The following RIMS2 variants were observed in gnomAD, a reference collection of about 807,000 sequenced individuals.
RIMS2 encodes the protein regulating synaptic membrane exocytosis protein 2.
RIMS2 carries 59 observed loss-of-function variants against 174.4 expected under a neutral mutation model. The observed-to-expected ratio is 0.34, with a 90% CI of 0.27 to 0.42. RIMS2 has a LOEUF of 0.42. RIMS2 is among the 10% of genes least tolerant of loss of function. RIMS2 has a pLI of 1.00. For missense variants in RIMS2, 1,620 were observed against 1,666.3 expected, an observed-to-expected ratio of 0.97 and a Z score of 0.48; for synonymous variants, 606 against 572.5, an observed-to-expected ratio of 1.06 and a Z score of -0.84.
At chr8:103,981,287 T>G (rs2093883637) in intron 16 of RIMS2, among the ~76,000 whole-genome samples, 1 of 151,508 alleles carries the variant, frequency 6.6e-6, no homozygotes, top group African/African-American at 2.4e-5. Flanking sequence ...AGAATAAGAG[T>G]CTCTGGTGAT....
At chr8:103,923,813 A>C (rs1177527573) in intron 10 of RIMS2, among the ~76,000 whole-genome samples, 2 of 151,758 alleles carry the variant, frequency 1.3e-5, no homozygotes, top group Non-Finnish European at 3.0e-5. Context: ...GAAAGTACAG[A>C]AAATTAATAA....
intron 1 of RIMS2, among the ~76,000 whole-genome samples, chr8:103,687,060 A>G (rs1056103659): frequency 5.3e-5 from 8 of 152,202 alleles, no homozygotes; most frequent in Non-Finnish European, 8.8e-5. Flanking sequence ...GCATTCACCA[A>G]TGAAACCATT....
chr8:103,873,482 C>T (rs2099121907), intron 3 of RIMS2, among the ~76,000 whole-genome samples: 2 of 151,982 alleles, frequency 1.3e-5, no homozygotes, highest in African/African-American at 2.4e-5. Context: ...GTGTCGTCTA[C>T]CTCTTTTTTC....
At chr8:103,582,131 G>T (rs2093654721) in intron 1 of RIMS2, among the ~76,000 whole-genome samples, 1 of 152,082 alleles carries the variant, frequency 6.6e-6, no homozygotes, top group African/African-American at 2.4e-5. Flanking sequence ...GAGTTGCGAG[G>T]TCCCTGTTCC....
intron 2 of RIMS2, among the ~76,000 whole-genome samples, chr8:103,716,740 C>T (rs1564390387): frequency 6.6e-6 from 1 of 152,004 alleles, no homozygotes; most frequent in East Asian, 1.9e-4. Flanking sequence ...AGTAATAACA[C>T]TGAATATGAA....
In RIMS2 at chr8:103,853,900, C is replaced by CT. The variant is rs1002662217; in HGVS notation, c.699-31389dup. On this transcript the variant is annotated intron_variant, in intron 3 of 23. Transcript: ENST00000504942. ...TGATTCTATATGAATTTTAGAACAG[C>CT]TTTTTTTTTCTAATTCTGTGAAGAA... Among the ~76,000 whole-genome samples the CT allele has an allele frequency of 1.7e-4, 25 of 151,068 alleles. No individual in the cohort carries two copies. In the South Asian group the frequency reaches 1.9e-3, roughly 11 times the overall value.
At chr8:103,553,600 A>T (rs1428185453) in intron 1 of RIMS2, among the ~76,000 whole-genome samples, 5 of 152,200 alleles carry the variant, frequency 3.3e-5, no homozygotes, top group Non-Finnish European at 7.4e-5. Flanking sequence ...GTATAATAAA[A>T]AATAATAATA....
rs372741521 is a variant in RIMS2, at chr8:103,660,164, CCTGAGT to C, written c.177-36921_177-36916del. On this transcript the variant is annotated intron_variant, in intron 1 of 23. Transcript: ENST00000504942. ...ATTACCTGGATGTTGAGGAGCTGAGCCTGAGTAGACTCTGCCAGTGTCTGGTGGAAC... is the reference window on the plus strand; with the variant it reads ...ATTACCTGGATGTTGAGGAGCTGAGCAGACTCTGCCAGTGTCTGGTGGAAC... 1.6e-3 allele frequency among the ~76,000 whole-genome samples: 237 copies of C among 152,302 alleles called. 1 individual carries two copies. The highest frequency in any genetic ancestry group is 5.2e-3 in the African/African-American group (215 of 41,578).
intron 1 of RIMS2, among the ~76,000 whole-genome samples, chr8:103,523,460 T>A (rs547555926): frequency 1.3e-5 from 2 of 152,258 alleles, no homozygotes; most frequent in Admixed American, 1.3e-4. Flanking sequence ...TAGTTATTTT[T>A]AAAATATCTG....
intron 3 of RIMS2, among the ~76,000 whole-genome samples, chr8:103,878,789 T>C (rs1047373819): frequency 2.0e-5 from 3 of 151,604 alleles, no homozygotes; most frequent in African/African-American, 7.3e-5. Context: ...TTGTGCACGA[T>C]TTTCTAGATG....
At chr8:103,928,629 CTGAG>C (rs965053276) in intron 11 of RIMS2, among the ~76,000 whole-genome samples, 80 of 150,876 alleles carry the variant, frequency 5.3e-4, no homozygotes, top group African/African-American at 1.9e-3. Flanking sequence ...TTTGTTGCTT[CTGAG>C]TAATACTTAT....
Position 104,201,751 on chromosome 8 carries a change from C to T in RIMS2, c.3335-43165C>T, listed in dbSNP as rs115932771. Among the ~76,000 whole-genome samples, 701 of 152,118 alleles carry T rather than the reference C, an allele frequency of 4.6e-3. 9 individuals are homozygous for T. The highest frequency in any genetic ancestry group is 0.016 in the African/African-American group (655 of 41,510). ...CATCTATTTTCTTTGGTGATTTGAA[C>T]GAGTTATAATTCCATTTTGTAGAGC... is the stretch of plus-strand genomic sequence containing the variant. On this transcript the variant is annotated intron_variant, in intron 19 of 23. Coordinates refer to ENST00000504942, the Ensembl canonical transcript of RIMS2.
At chr8:104,174,810 G>A (rs1182693964) in intron 19 of RIMS2, among the ~76,000 whole-genome samples, 4 of 152,154 alleles carry the variant, frequency 2.6e-5, no homozygotes, top group Non-Finnish European at 5.9e-5. Context: ...TCCACTTTCT[G>A]TTCTCTTTGA....
At chr8:104,063,815 A>G (rs957119306) in intron 19 of RIMS2, among the ~76,000 whole-genome samples, 5 of 152,116 alleles carry the variant, frequency 3.3e-5, no homozygotes, top group Non-Finnish European at 4.4e-5. Flanking sequence ...CTGTGCCCCT[A>G]CTTCAAAGAA....
chr8:103,717,738 G>A (rs1221002608), intron 2 of RIMS2, among the ~76,000 whole-genome samples: 1 of 152,048 alleles, frequency 6.6e-6, no homozygotes, highest in Non-Finnish European at 1.5e-5. Flanking sequence ...AATTTTGTGT[G>A]GATTTGGGAC....
chr8:104,102,059 T>C (rs1402778290), intron 19 of RIMS2, among the ~76,000 whole-genome samples: 2 of 152,188 alleles, frequency 1.3e-5, no homozygotes, highest in East Asian at 3.8e-4. Flanking sequence ...CTTCAATGCT[T>C]CATGGCTTCA....
intron 20 of RIMS2, among the ~76,000 whole-genome samples, chr8:104,247,943 G>C (rs138192345): frequency 6.6e-6 from 1 of 152,238 alleles, no homozygotes; most frequent in East Asian, 1.9e-4. Context: ...TCAAAGGATC[G>C]AGCTCCAGTG....
chr8:104,060,077 A>G (rs78901327), intron 19 of RIMS2, among the ~76,000 whole-genome samples: 36,130 of 149,992 alleles, frequency 0.24, 4,601 homozygotes, highest in South Asian at 0.34. Context: ...GGATGATGCC[A>G]GCCTCATAAA....
At chr8:103,937,984 G>A (rs894964117) in intron 13 of RIMS2, among the ~76,000 whole-genome samples, 1 of 152,068 alleles carries the variant, frequency 6.6e-6, no homozygotes, top group African/African-American at 2.4e-5. Flanking sequence ...AAGTAGCTGG[G>A]GCTACAGGCA....
Sources: allele counts gnomAD v4.1 joint callset (sites outside exome capture counted in the v4.1 genomes callset), GRCh38; gene constraint gnomAD v4.1.1; transcripts MANE v1.5; gene names NCBI Gene and HGNC (gene_info 2026-07-23, HGNC 2026-07-21).